Variants in GMPR observed in about 807,000 individuals in gnomAD.
GMPR encodes guanosine monophosphate reductase.
Under a neutral mutation model 38.4 loss-of-function variants are expected in GMPR, and 31 were observed. The observed-to-expected ratio is 0.81, with a 90% CI of 0.61 to 1.09. The LOEUF (loss-of-function observed/expected upper bound fraction) is 1.09. Ranked by LOEUF, GMPR falls within the 50% of genes least tolerant of loss-of-function variation. GMPR has a pLI of 0.00. For synonymous variants in GMPR, 162 were observed against 173.3 expected, an observed-to-expected ratio of 0.93 and a Z score of 0.51; for missense variants, 468 against 453.7, an observed-to-expected ratio of 1.03 and a Z score of -0.29.
At chr6:16,294,618 T>TTGGTG (rs1171641909) in intron 8 of GMPR, among the ~76,000 whole-genome samples, 1 of 151,994 alleles carries the variant, frequency 6.6e-6, no homozygotes, top group Non-Finnish European at 1.5e-5. Context: ...TGTTGGGAAG[T>TTGGTG]TGGTGTGCAT....
intron 1 of GMPR, among the ~76,000 whole-genome samples, chr6:16,242,329 T>C (rs918331813): frequency 1.6e-5 from 2 of 126,640 alleles, no homozygotes; most frequent in African/African-American, 7.2e-5. Context: ...CTGTCACTAA[T>C]TACTTTTTTT....
chr6:16,267,828 C>T (rs9367907), intron 4 of GMPR, among the ~76,000 whole-genome samples: 9,497 of 152,276 alleles, frequency 0.062, 607 homozygotes, highest in African/African-American at 0.17. Context: ...CCAAGCTCTA[C>T]TCCCCTGGGG....
chr6:16,269,224 G>T (rs1372629935), intron 4 of GMPR, among the ~76,000 whole-genome samples: 3 of 152,044 alleles, frequency 2.0e-5, no homozygotes, highest in South Asian at 2.1e-4. Context: ...ACCTTTTAAG[G>T]ACTAAAAGTG....
intron 8 of GMPR, among the ~76,000 whole-genome samples, chr6:16,291,425 T>C (rs570651742): frequency 2.2e-4 from 34 of 152,032 alleles, no homozygotes; most frequent in Non-Finnish European, 4.3e-4. Flanking sequence ...GGTTTCGTCA[T>C]GTTGGCCAGG....
chr6:16,260,700 C>T (rs1335818882), intron 4 of GMPR, among the ~76,000 whole-genome samples: 2 of 152,046 alleles, frequency 1.3e-5, no homozygotes, highest in African/African-American at 2.4e-5. Flanking sequence ...GCATAGCCTG[C>T]CTTTGCTGGT....
chr6:16,274,472 A>C lies in GMPR; in HGVS notation c.523A>C (p.Ile175Leu). The change falls in exon 5 of 9, where the codon ATC becomes CTC. Residue 175 changes from isoleucine to leucine, a missense_variant. Physicochemically the swap from Ile to Leu is conservative, Grantham distance 5 (BLOSUM62 2). Coordinates refer to ENST00000259727, the MANE Select transcript of GMPR (RefSeq NM_006877.4). ...AGAGCTTATTCTTTCCGGAGCAGAT[A>C]TCATCAAAGTGGGAGTTGGACCAGG... ...VEELILSGAD[I>L]IKVGVGPGSV... is the part of the protein sequence containing the mutation. 1 of 1,607,644 alleles carries C rather than the reference A, an allele frequency of 6.2e-7. No individual in the cohort carries two copies. The highest frequency in any genetic ancestry group is 8.5e-7 in the Non-Finnish European group (1 of 1,174,040).
At chr6:16,268,211 A>C (rs552140883) in intron 4 of GMPR, among the ~76,000 whole-genome samples, 1 of 152,170 alleles carries the variant, frequency 6.6e-6, no homozygotes, top group Non-Finnish European at 1.5e-5. Context: ...TCACATAATA[A>C]ACTCAGTTTA....
intron 4 of GMPR, among the ~76,000 whole-genome samples, chr6:16,272,590 G>C (rs2113692386): frequency 6.6e-6 from 1 of 152,224 alleles, no homozygotes; most frequent in Non-Finnish European, 1.5e-5. Flanking sequence ...TTTACATTTG[G>C]TTATTCAGGA....
chr6:16,252,700 C>G (rs114166179), intron 3 of GMPR, among the ~76,000 whole-genome samples: 1,643 of 152,286 alleles, frequency 0.011, 27 homozygotes, highest in African/African-American at 0.038. Context: ...TGAGAGAAGG[C>G]AACCAATCTC....
chr6:16,253,389 A>G (rs879277917), intron 3 of GMPR, among the ~76,000 whole-genome samples: 2 of 152,238 alleles, frequency 1.3e-5, no homozygotes, highest in Non-Finnish European at 2.9e-5. Context: ...TGCAGGCTGT[A>G]CAGGAAGCAT....
At chr6:16,249,828 A>C (rs1039854723) in intron 2 of GMPR, among the ~76,000 whole-genome samples, 2 of 152,266 alleles carry the variant, frequency 1.3e-5, no homozygotes, top group African/African-American at 2.4e-5. Context: ...GGTTGTGAGC[A>C]CAAGAGAAAG....
In GMPR at chr6:16,290,562, C is replaced by A. The variant is rs367924735; in HGVS notation, c.798C>A (p.Phe266Leu). 5.6e-6 allele frequency: 9 copies of A among 1,614,042 alleles called. No homozygotes were observed. The African/African-American group carries it at 1.2e-4, about 22-fold the overall frequency. The part of the protein sequence containing the change: ...FERNGRKLKL[F>L]YGMSSDTAMN... ...GGAACGGACGGAAGCTCAAGCTCTT[C>A]TACGGGATGAGCTCTGACACCGCCA... Residue 266 changes from phenylalanine to leucine, a missense_variant, in exon 8 of 9, where the codon TTC (phenylalanine) becomes TTA (leucine). Transcript: ENST00000259727.
At chr6:16,288,689 G>A (rs569152104) in intron 7 of GMPR, among the ~76,000 whole-genome samples, 101 of 152,334 alleles carry the variant, frequency 6.6e-4, no homozygotes, top group African/African-American at 2.1e-3. Context: ...GCCCCAGTGC[G>A]GATCCACTGG....
rs1758617622 is a variant in GMPR, at chr6:16,240,048, A to G, written c.87+1268A>G. ...CCTCTGGAAGCATGAGCTGTAGCCAATTCCTAAGGCAAGACCAAGATGAAA... is the reference window on the plus strand; with the variant it reads ...CCTCTGGAAGCATGAGCTGTAGCCAGTTCCTAAGGCAAGACCAAGATGAAA... On this transcript the variant is annotated intron_variant, in intron 1 of 8. Coordinates refer to ENST00000259727, the MANE Select transcript of GMPR (RefSeq NM_006877.4). Among the ~76,000 whole-genome samples, 4 of 152,244 alleles carry G rather than the reference A, an allele frequency of 2.6e-5. No homozygotes were observed. In the South Asian group the frequency reaches 8.3e-4, roughly 31 times the overall value.
At chr6:16,292,443 A>T (rs1232307537) in intron 8 of GMPR, among the ~76,000 whole-genome samples, 2 of 152,124 alleles carry the variant, frequency 1.3e-5, no homozygotes, top group Non-Finnish European at 2.9e-5. Flanking sequence ...GAAAAGCAGG[A>T]TGGGAAAGAT....
chr6:16,248,230 C>G (rs1758797828), intron 2 of GMPR, among the ~76,000 whole-genome samples: 1 of 47,772 alleles, frequency 2.1e-5, no homozygotes, highest in African/African-American at 1.6e-4. Context: ...AAGACCCTGT[C>G]TCAAAAAAAA....
At chr6:16,261,895 C>A (rs560499927) in intron 4 of GMPR, among the ~76,000 whole-genome samples, 1 of 151,566 alleles carries the variant, frequency 6.6e-6, no homozygotes, top group African/African-American at 2.4e-5. Flanking sequence ...GGAAGAAGGG[C>A]GGCAATGAGA....
At chr6:16,293,805 A>G (rs1209584135) in intron 8 of GMPR, among the ~76,000 whole-genome samples, 1 of 152,232 alleles carries the variant, frequency 6.6e-6, no homozygotes, top group Non-Finnish European at 1.5e-5. Context: ...TCTCAAAAAA[A>G]GATGCTCTTT....
At chr6:16,286,911 TATAAA>T (rs560019211) in intron 7 of GMPR, among the ~76,000 whole-genome samples, 1 of 151,796 alleles carries the variant, frequency 6.6e-6, no homozygotes, top group African/African-American at 2.4e-5. Context: ...CTCAAAAAAA[TATAAA>T]AAATAAAAAT....
Sources: allele counts gnomAD v4.1 joint callset (sites outside exome capture counted in the v4.1 genomes callset), GRCh38; gene constraint gnomAD v4.1.1; transcripts MANE v1.5; gene names NCBI Gene and HGNC (gene_info 2026-07-23, HGNC 2026-07-21).